Variants in CSMD1 observed in about 807,000 individuals in gnomAD.
CSMD1 encodes CUB and sushi domain-containing protein 1.
A neutral mutation model predicts 417.5 loss-of-function variants in CSMD1; 213 were observed. The ratio of observed to expected loss-of-function variants is 0.51; its 90% CI spans 0.46 to 0.57. The LOEUF (loss-of-function observed/expected upper bound fraction) is 0.57, where lower values mean the gene tolerates loss of function less well. Ranked by LOEUF, CSMD1 falls within the 20% of genes least tolerant of loss-of-function variation. The pLI is 0.00. For missense variants in CSMD1, 6,923 were observed against 4,529.7 expected (o/e 1.53, Z -15.17); for synonymous variants, 2,862 against 1,736.8 (o/e 1.65, Z -16.11).
chr8:3,020,136 T>C (rs1809238854), intron 51 of CSMD1, among the ~76,000 whole-genome samples: 1 of 152,212 alleles, frequency 6.6e-6, no homozygotes, highest in Non-Finnish European at 1.5e-5. Context: ...CTTGCCAATT[T>C]TCTAAGTCTC....
chr8:3,472,831 A>C (rs547517498), intron 11 of CSMD1, among the ~76,000 whole-genome samples: 3 of 150,854 alleles, frequency 2.0e-5, no homozygotes, highest in Admixed American at 1.3e-4. Context: ...AAATCTCCTA[A>C]GTTTTTTTTT....
chr8:3,932,536 G>T (rs1017095703), intron 5 of CSMD1, among the ~76,000 whole-genome samples: 3 of 150,522 alleles, frequency 2.0e-5, no homozygotes, highest in African/African-American at 7.4e-5. Context: ...AATCAATCAA[G>T]CCCCACAATT....
intron 3 of CSMD1, among the ~76,000 whole-genome samples, chr8:4,286,510 G>A (rs1797063427): frequency 6.6e-6 from 1 of 152,062 alleles, no homozygotes; most frequent in Non-Finnish European, 1.5e-5. Context: ...CAGGAAGGAA[G>A]ACACTCTTCT....
intron 5 of CSMD1, among the ~76,000 whole-genome samples, chr8:3,893,594 C>G (rs1435843277): frequency 6.6e-6 from 1 of 151,600 alleles, no homozygotes; most frequent in Non-Finnish European, 1.5e-5. Flanking sequence ...AGCTCCAGTC[C>G]CATCTCCACC....
At chr8:3,048,875 TA>T (rs71199529) in intron 50 of CSMD1, among the ~76,000 whole-genome samples, 72,348 of 143,802 alleles carry the variant, frequency 0.5, 18,051 homozygotes, top group Non-Finnish European at 0.56. Flanking sequence ...AAAGAACTCT[TA>T]AAAAAAAAAA....
intron 1 of CSMD1, among the ~76,000 whole-genome samples, chr8:4,795,252 CTTTTTTTTTTTTTTTT>C (rs571984359): frequency 1.8e-3 from 84 of 46,248 alleles, no homozygotes; most frequent in African/African-American, 5.5e-3. Flanking sequence ...GGTGTCATAG[CTTTTTTTTTTTTTTTT>C]TTTTTTTTTT....
At chr8:4,587,139 A>G (rs1176477333) in intron 2 of CSMD1, among the ~76,000 whole-genome samples, 1 of 152,136 alleles carries the variant, frequency 6.6e-6, no homozygotes, top group Non-Finnish European at 1.5e-5. Context: ...CTTCTTCCAC[A>G]TTGATTTTTC....
intron 2 of CSMD1, among the ~76,000 whole-genome samples, chr8:4,524,187 TA>T (rs1401734945): frequency 6.6e-6 from 1 of 151,342 alleles, no homozygotes; most frequent in African/African-American, 2.4e-5. Flanking sequence ...TGGGGGAAGC[TA>T]GGGGGAAATT....
intron 23 of CSMD1, among the ~76,000 whole-genome samples, chr8:3,331,092 G>T (rs1478096374): frequency 6.6e-6 from 1 of 152,080 alleles, no homozygotes; most frequent in Non-Finnish European, 1.5e-5. Flanking sequence ...CAAAAAATTA[G>T]CCTGGCGTGG....
intron 2 of CSMD1, among the ~76,000 whole-genome samples, chr8:4,628,267 C>A (rs1318896959): frequency 6.6e-6 from 1 of 150,936 alleles, no homozygotes; most frequent in Non-Finnish European, 1.5e-5. Flanking sequence ...TCTTTCATAC[C>A]TCTTGTAAAT....
chr8:3,699,563 G>C (rs1800733247), intron 7 of CSMD1, among the ~76,000 whole-genome samples: 2 of 152,114 alleles, frequency 1.3e-5, no homozygotes, highest in African/African-American at 2.4e-5. Context: ...TATATTTTAT[G>C]GGTTGATCTA....
intron 5 of CSMD1, among the ~76,000 whole-genome samples, chr8:3,882,185 C>A (rs999265212): frequency 2.0e-5 from 3 of 151,672 alleles, no homozygotes; most frequent in Non-Finnish European, 4.4e-5. Flanking sequence ...AGACATCTTA[C>A]AAATCAACAA....
At chr8:3,982,100 G>C (rs897947342) in intron 5 of CSMD1, among the ~76,000 whole-genome samples, 3 of 151,320 alleles carry the variant, frequency 2.0e-5, no homozygotes, top group Non-Finnish European at 1.5e-5. Context: ...GGAGGTTGCA[G>C]TGAGTCGAGA....
chr8:4,507,892 A>G (rs1802610198), intron 2 of CSMD1, among the ~76,000 whole-genome samples: 1 of 152,164 alleles, frequency 6.6e-6, no homozygotes, highest in South Asian at 2.1e-4. Flanking sequence ...CTTTGAAATG[A>G]AAGTGAAAGA....
At chr8:4,846,080 T>A (rs991971182) in intron 1 of CSMD1, among the ~76,000 whole-genome samples, 2 of 152,192 alleles carry the variant, frequency 1.3e-5, no homozygotes, top group Non-Finnish European at 1.5e-5. Flanking sequence ...ACGTCCCAAA[T>A]CAAACAGTTG....
At chr8:3,092,711 C>T (rs943305263) in intron 47 of CSMD1, among the ~76,000 whole-genome samples, 7 of 152,150 alleles carry the variant, frequency 4.6e-5, no homozygotes, top group Admixed American at 2.6e-4. Context: ...GAGAGTCACC[C>T]GGCATTGCCC....
chr8:3,982,186 ATAATAT>A (rs1377601160), intron 5 of CSMD1, among the ~76,000 whole-genome samples: 4 of 128,466 alleles, frequency 3.1e-5, no homozygotes, highest in South Asian at 2.4e-4. Flanking sequence ...AATAATAATA[ATAATAT>A]TAATAAAAAA....
rs1801600345 is a variant in CSMD1, at chr8:2,937,867, T to C, written c.*718A>G. 1 of 150,590 alleles carries C rather than the reference T, an allele frequency of 6.6e-6. No homozygotes were observed. The highest frequency in any genetic ancestry group is 2.4e-5 in the African/African-American group (1 of 40,980). The allele number at this position is 150,590 out of a possible 1,614,324, so 9.3% of individuals were successfully genotyped here. ...ATGCTTATATACAATGGATAGTGTG[T>C]ATAAACCCTGTGTAAATAATTTATT... is the stretch of plus-strand genomic sequence containing the variant. On this transcript the variant is annotated 3_prime_UTR_variant, in exon 70 of 70. Coordinates refer to ENST00000635120, the MANE Select transcript of CSMD1 (RefSeq NM_033225.6).
intron 5 of CSMD1, among the ~76,000 whole-genome samples, chr8:3,987,549 G>A (rs1204438372): frequency 6.6e-6 from 1 of 152,160 alleles, no homozygotes; most frequent in Non-Finnish European, 1.5e-5. Context: ...CCCAAATGGT[G>A]CAGCTACGAA....
Sources: allele counts gnomAD v4.1 joint callset (sites outside exome capture counted in the v4.1 genomes callset), GRCh38; gene constraint gnomAD v4.1.1; transcripts MANE v1.5; gene names NCBI Gene and HGNC (gene_info 2026-07-23, HGNC 2026-07-21).